The following TRIM44 variants were observed in gnomAD, a reference collection of about 807,000 sequenced individuals.
TRIM44 encodes the protein tripartite motif-containing protein 44.
A neutral mutation model predicts 37.4 loss-of-function variants in TRIM44; 13 were observed. The ratio of observed to expected loss-of-function variants is 0.35; its 90% CI spans 0.23 to 0.55. The LOEUF (loss-of-function observed/expected upper bound fraction) is 0.55, where lower values mean the gene tolerates loss of function less well. TRIM44 is among the 20% of genes least tolerant of loss of function. The probability of loss-of-function intolerance (pLI) is 0.89; values close to 1 mark genes in which losing one functional copy is unlikely to be tolerated. For synonymous variants in TRIM44, 175 were observed against 157.2 expected (o/e 1.11, Z -0.85); for missense variants, 426 against 437.2 (o/e 0.97, Z 0.23).
rs1173363941 is a variant in TRIM44, at chr11:35,706,998, G to A, written c.748-18926G>A. On this transcript the variant is annotated intron_variant, in intron 2 of 4. Coordinates refer to ENST00000299413, the MANE Select transcript of TRIM44 (RefSeq NM_017583.6). Reference sequence around the variant, plus strand: ...GTCCCTGTTTGCAGATGACATGATTGTATATCTAGAAAACCCCATTGTTTC... The same window carrying A: ...GTCCCTGTTTGCAGATGACATGATTATATATCTAGAAAACCCCATTGTTTC... 3.3e-5 allele frequency among the ~76,000 whole-genome samples: 5 copies of A among 152,144 alleles called. No individual in the cohort carries two copies. The East Asian group carries it at 7.7e-4, about 24-fold the overall frequency.
At chr11:35,716,634 A>G (rs1319070217) in intron 2 of TRIM44, among the ~76,000 whole-genome samples, 1 of 152,156 alleles carries the variant, frequency 6.6e-6, no homozygotes, top group Middle Eastern at 3.2e-3. Context: ...TCCTTGAGGT[A>G]GTAGTAAGTC....
At chr11:35,776,940 G>A (rs989302403) in intron 4 of TRIM44, among the ~76,000 whole-genome samples, 2 of 152,216 alleles carry the variant, frequency 1.3e-5, no homozygotes, top group African/African-American at 2.4e-5. Context: ...TGTTGATTTG[G>A]GGTGGAGAGT....
intron 2 of TRIM44, among the ~76,000 whole-genome samples, chr11:35,711,429 G>A (rs566974405): frequency 6.6e-6 from 1 of 151,238 alleles, no homozygotes; most frequent in African/African-American, 2.4e-5. Flanking sequence ...CTGACCTTGG[G>A]CAAATCTGTG....
chr11:35,756,158 G>C (rs1299634693), intron 4 of TRIM44, among the ~76,000 whole-genome samples: 4 of 152,094 alleles, frequency 2.6e-5, no homozygotes, highest in African/African-American at 4.8e-5. Context: ...TCTTCCATTT[G>C]TTTGTATCCT....
chr11:35,726,218 C>A, intron 3 of TRIM44, 55 bp downstream of exon 3: 1 of 1,595,690 alleles, frequency 6.3e-7, no homozygotes, highest in Non-Finnish European at 8.5e-7. Context: ...GAAACTGATG[C>A]CATATTTGTT....
rs750582455 is a variant in TRIM44, at chr11:35,663,498, C to T, written c.387C>T (p.Ser129=). Residue 129 remains serine (S), a synonymous_variant, in exon 1 of 5, where the codon AGC becomes AGT. Coordinates refer to ENST00000299413, the MANE Select transcript of TRIM44 (RefSeq NM_017583.6). ...DESDEESEED[S]EEEMEDEQES... is the part of the protein sequence containing the mutation. ...GCGATGAGGAGAGTGAAGAAGACAG[C>T]GAGGAAGAAATGGAGGATGAGCAAG... The T allele has an allele frequency of 4.4e-6, 7 of 1,580,000 alleles. No homozygotes were observed. The highest frequency in any genetic ancestry group is 2.3e-5 in the South Asian group (2 of 87,476).
chr11:35,690,490 G>T (rs1851626857), intron 2 of TRIM44, among the ~76,000 whole-genome samples: 1 of 152,132 alleles, frequency 6.6e-6, no homozygotes, highest in African/African-American at 2.4e-5. Flanking sequence ...ATCAAGCCAG[G>T]CATCATCTTG....
intron 4 of TRIM44, among the ~76,000 whole-genome samples, chr11:35,803,635 C>T (rs563451922): frequency 2.0e-5 from 3 of 152,224 alleles, no homozygotes; most frequent in Non-Finnish European, 2.9e-5. Context: ...GCAGGAGAAT[C>T]GCTTGAACCC....
chr11:35,737,554 G>T (rs568987458), intron 4 of TRIM44, among the ~76,000 whole-genome samples: 1 of 152,250 alleles, frequency 6.6e-6, no homozygotes, highest in African/African-American at 2.4e-5. Flanking sequence ...TAAAAATTGA[G>T]GTCGGGCACA....
At chr11:35,706,396 T>G (rs1851881670) in intron 2 of TRIM44, among the ~76,000 whole-genome samples, 3 of 152,284 alleles carry the variant, frequency 2.0e-5, no homozygotes, top group Admixed American at 2.0e-4. Context: ...GAGGGAATCC[T>G]CCCTAACTCA....
chr11:35,816,985 G>T lies in TRIM44; in HGVS notation c.*10600G>T, dbSNP rs1489533201. On this transcript the variant is annotated 3_prime_UTR_variant, in exon 5 of 5. Transcript: ENST00000299413. ...CCCCATGTACTTTTTCATATCAACG[G>T]TAAGTACCTCAAATTACCGTATGTA... The T allele has an allele frequency of 6.6e-6, 1 of 152,122 alleles. No individual in the cohort carries two copies. The highest frequency in any genetic ancestry group is 1.9e-4 in the East Asian group (1 of 5,188). The allele number at this position is 152,122 out of a possible 1,614,324, so 9.4% of individuals were successfully genotyped here.
chr11:35,812,232 C>T lies in TRIM44; in HGVS notation c.*5847C>T, dbSNP rs1013386867. ...TTATACTCATAAAAAGGTAGAATTTCAGCTTGTCTGGAATATCTCCTGGCC... is the reference window on the plus strand; with the variant it reads ...TTATACTCATAAAAAGGTAGAATTTTAGCTTGTCTGGAATATCTCCTGGCC... On this transcript the variant is annotated 3_prime_UTR_variant, in exon 5 of 5. Coordinates refer to ENST00000299413, the MANE Select transcript of TRIM44 (RefSeq NM_017583.6). 8 of 152,154 alleles carry T rather than the reference C, an allele frequency of 5.3e-5. No homozygotes were observed. The South Asian group carries it at 6.2e-4, about 12-fold the overall frequency. 9.4% of individuals were successfully genotyped at this position (152,154 alleles called of 1,614,324 possible).
rs183448168 is a variant in TRIM44, at chr11:35,815,111, T to C, written c.*8726T>C. On this transcript the variant is annotated 3_prime_UTR_variant, in exon 5 of 5. Coordinates refer to ENST00000299413, the MANE Select transcript of TRIM44 (RefSeq NM_017583.6). Reference sequence around the variant, plus strand: ...CCCTAAGCCAGAGTGTAGTTAAACATTTATATGTCCCAGGCCAGGAGATCA... The same window carrying C: ...CCCTAAGCCAGAGTGTAGTTAAACACTTATATGTCCCAGGCCAGGAGATCA... 6 of 152,240 alleles carry C rather than the reference T, an allele frequency of 3.9e-5. No homozygotes were observed. Among genetic ancestry groups the C allele is most frequent in the Admixed American group, 3.9e-4 (6 of 15,272 alleles). The allele number at this position is 152,240 out of a possible 1,614,324, so 9.4% of individuals were successfully genotyped here.
At chr11:35,749,510 C>T (rs1852535488) in intron 4 of TRIM44, among the ~76,000 whole-genome samples, 1 of 152,196 alleles carries the variant, frequency 6.6e-6, no homozygotes, top group Admixed American at 6.5e-5. Flanking sequence ...CATGGCAAAA[C>T]CCCGTCTCTA....
chr11:35,817,657 T>TA lies in TRIM44; in HGVS notation c.*11273dup, dbSNP rs1853594608. 1.3e-5 allele frequency: 2 copies of TA among 152,196 alleles called. No individual in the cohort carries two copies. The highest frequency in any genetic ancestry group is 2.9e-5 in the Non-Finnish European group (2 of 68,040). The allele number at this position is 152,196 out of a possible 1,614,324, so 9.4% of individuals were successfully genotyped here. On this transcript the variant is annotated 3_prime_UTR_variant, in exon 5 of 5. Transcript: ENST00000299413. ...CTCCAAATGTGCACAAGCCATGTGA[T>TA]ATGGTTTGCCTCTGTGTCCCCACCC...
rs995610565 is a variant in TRIM44, at chr11:35,808,486, T to A, written c.*2101T>A. On this transcript the variant is annotated 3_prime_UTR_variant, in exon 5 of 5. Coordinates refer to ENST00000299413, the MANE Select transcript of TRIM44 (RefSeq NM_017583.6). The stretch of plus-strand genomic sequence containing the variant: ...TGATCTCCAAATAGTAGCCTTATAT[T>A]AGCAATAGACAGATCATTGGTTCTC... 6.6e-6 allele frequency: 1 copy of A among 152,196 alleles called. No homozygotes were observed. The highest frequency in any genetic ancestry group is 2.4e-5 in the African/African-American group (1 of 41,456). The allele number at this position is 152,196 out of a possible 1,614,324, so 9.4% of individuals were successfully genotyped here. A position where few individuals can be genotyped will look rare whatever the true frequency, so the allele number is the denominator to read the frequency against.
chr11:35,687,370 G>A (rs1851594255), intron 2 of TRIM44, among the ~76,000 whole-genome samples: 1 of 152,196 alleles, frequency 6.6e-6, no homozygotes, highest in African/African-American at 2.4e-5. Flanking sequence ...TAGGTTGGTA[G>A]ATAGAAAAAA....
chr11:35,779,250 A>G (rs1853025129), intron 4 of TRIM44, among the ~76,000 whole-genome samples: 1 of 152,218 alleles, frequency 6.6e-6, no homozygotes, highest in Non-Finnish European at 1.5e-5. Context: ...TGAGCCAGGC[A>G]CGGGATATTA....
chr11:35,725,852 TATAGTA>T (rs1852167574), intron 2 of TRIM44, 66 bp from the exon 3 acceptor site: 1 of 1,560,008 alleles, frequency 6.4e-7, no homozygotes, highest in South Asian at 1.2e-5. Context: ...GCCAGGGCTG[TATAGTA>T]ATAACTCTGC....
Sources: gnomAD v4.1 joint callset for allele counts (sites outside exome capture counted in the v4.1 genomes callset) on GRCh38, gnomAD v4.1.1 for gene constraint, MANE v1.5 for transcripts, NCBI Gene and HGNC (gene_info 2026-07-23, HGNC 2026-07-21) for gene names.